Variants in RAD51B observed in about 807,000 individuals in gnomAD.
RAD51B encodes the protein RAD51 paralog B.
Under a neutral mutation model 42.2 loss-of-function variants are expected in RAD51B, and 38 were observed. The observed-to-expected ratio is 0.90, with a 90% confidence interval of 0.70 to 1.18. The LOEUF (loss-of-function observed/expected upper bound fraction) is 1.18, where lower values mean the gene tolerates loss of function less well. Among genes scored for constraint, RAD51B ranks in the 50% most tolerant of loss-of-function variants. The pLI is 0.00. For synonymous variants in RAD51B, 154 were observed against 145.2 expected, an observed-to-expected ratio of 1.06 and a Z score of -0.43; for missense variants, 373 against 400.7, an observed-to-expected ratio of 0.93 and a Z score of 0.59.
intron 9 of RAD51B, among the ~76,000 whole-genome samples, chr14:68,466,546 T>C (rs990068548): frequency 2.0e-5 from 3 of 152,206 alleles, no homozygotes; most frequent in Non-Finnish European, 4.4e-5. Flanking sequence ...ACTGATGCTC[T>C]CTGAAGCCAC....
chr14:68,035,375 GT>G (rs3837657), intron 7 of RAD51B, among the ~76,000 whole-genome samples: 16,434 of 151,174 alleles, frequency 0.11, 2,407 homozygotes, highest in African/African-American at 0.33. Flanking sequence ...GTGAAGAATT[GT>G]TTTTTTTTAA....
chr14:68,634,688 G>T (rs1381245679), intron 10 of RAD51B, among the ~76,000 whole-genome samples: 1 of 152,132 alleles, frequency 6.6e-6, no homozygotes, highest in Non-Finnish European at 1.5e-5. Context: ...TAATGGGGTG[G>T]GGGTGAGACG....
At chr14:68,005,060 T>G (rs1231912877) in intron 7 of RAD51B, among the ~76,000 whole-genome samples, 51 of 138,096 alleles carry the variant, frequency 3.7e-4, no homozygotes, top group African/African-American at 1.3e-3. Flanking sequence ...TTTTTTTTTT[T>G]TTTTTTTTTT....
At chr14:68,281,670 G>C (rs1437688853) in intron 7 of RAD51B, among the ~76,000 whole-genome samples, 1 of 152,198 alleles carries the variant, frequency 6.6e-6, no homozygotes, top group Admixed American at 6.5e-5. Flanking sequence ...CCATATACGT[G>C]TAAAATGACA....
At chr14:68,531,719 C>T (rs1271095822) in intron 10 of RAD51B, among the ~76,000 whole-genome samples, 3 of 152,070 alleles carry the variant, frequency 2.0e-5, no homozygotes, top group Non-Finnish European at 4.4e-5. Flanking sequence ...CAACAATAGG[C>T]CAGGCATGGT....
At chr14:68,095,869 G>A (rs984468778) in intron 7 of RAD51B, among the ~76,000 whole-genome samples, 8 of 151,460 alleles carry the variant, frequency 5.3e-5, no homozygotes, top group Non-Finnish European at 7.4e-5. Flanking sequence ...CCAGCTACTC[G>A]GGAGGCTGAG....
At chr14:68,019,785 G>A (rs527487170) in intron 7 of RAD51B, among the ~76,000 whole-genome samples, 1 of 152,108 alleles carries the variant, frequency 6.6e-6, no homozygotes, top group Non-Finnish European at 1.5e-5. Context: ...TTTCTTGTTC[G>A]TTCTTACCGT....
At chr14:68,393,769 A>G (rs1403863330) in intron 8 of RAD51B, among the ~76,000 whole-genome samples, 1 of 152,182 alleles carries the variant, frequency 6.6e-6, no homozygotes, top group African/African-American at 2.4e-5. Context: ...CACTAAATAT[A>G]TTTAGGGCCC....
chr14:68,450,965 G>T (rs921804448), intron 9 of RAD51B, among the ~76,000 whole-genome samples: 23 of 152,240 alleles, frequency 1.5e-4, no homozygotes, highest in African/African-American at 5.5e-4. Context: ...CCCCACAGAG[G>T]GCCCTGTCCA....
At chr14:67,848,899 T>C (rs138586671) in intron 4 of RAD51B, among the ~76,000 whole-genome samples, 1 of 152,364 alleles carries the variant, frequency 6.6e-6, no homozygotes, top group African/African-American at 2.4e-5. Flanking sequence ...TTTTCTACAC[T>C]GAAAATAGGT....
At chr14:68,610,953 C>T in intron 10 of RAD51B, 1 of 678,710 alleles carries the variant, frequency 1.5e-6, no homozygotes, top group South Asian at 1.5e-5. Flanking sequence ...TCCTACACAT[C>T]TTTAATAAAA....
chr14:68,555,882 C>T (rs1433715861), intron 10 of RAD51B, among the ~76,000 whole-genome samples: 1 of 152,212 alleles, frequency 6.6e-6, no homozygotes, highest in African/African-American at 2.4e-5. Context: ...TCACTCACTT[C>T]CTTGAGAGCC....
At chr14:68,586,697 C>T (rs1890498143) in intron 10 of RAD51B, among the ~76,000 whole-genome samples, 1 of 152,152 alleles carries the variant, frequency 6.6e-6, no homozygotes, top group Admixed American at 6.5e-5. Flanking sequence ...ATCCAGTCAC[C>T]CCCTTTAAAA....
At chr14:67,864,025 C>T (rs2042244389) in intron 4 of RAD51B, among the ~76,000 whole-genome samples, 1 of 150,492 alleles carries the variant, frequency 6.6e-6, no homozygotes, top group Non-Finnish European at 1.5e-5. Context: ...AGAGAGACAT[C>T]TTACTATGGC....
intron 11 of RAD51B, among the ~76,000 whole-genome samples, chr14:68,657,446 G>T (rs1263774230): frequency 2.0e-5 from 3 of 152,224 alleles, no homozygotes; most frequent in Non-Finnish European, 1.5e-5. Context: ...TTCCCAAAGT[G>T]CTGGGATTAC....
chr14:68,158,451 C>T (rs2078565096), intron 7 of RAD51B, among the ~76,000 whole-genome samples: 1 of 152,180 alleles, frequency 6.6e-6, no homozygotes, highest in Admixed American at 6.5e-5. Context: ...TAATTTCCTT[C>T]CTTTACTTTT....
intron 7 of RAD51B, among the ~76,000 whole-genome samples, chr14:67,904,142 A>T (rs547373000): frequency 6.6e-6 from 1 of 151,972 alleles, no homozygotes; most frequent in East Asian, 1.9e-4. Context: ...CATTTTCTTT[A>T]TCTCGTTCAC....
chr14:68,007,461 C>T (rs1328846724), intron 7 of RAD51B, among the ~76,000 whole-genome samples: 2 of 151,914 alleles, frequency 1.3e-5, no homozygotes, highest in Non-Finnish European at 2.9e-5. Context: ...AGTAGCTGCA[C>T]CATTAGCACT....
At chr14:68,613,914 G>A (rs943446886), downstream of RAD51B, among the ~76,000 whole-genome samples, 1 of 152,216 alleles carries the variant, frequency 6.6e-6, no homozygotes, top group South Asian at 2.1e-4. Flanking sequence ...AGGGCCTGCT[G>A]TTGTGTGGCC....
Sources: gnomAD v4.1 joint callset for allele counts (sites outside exome capture counted in the v4.1 genomes callset) on GRCh38, gnomAD v4.1.1 for gene constraint, MANE v1.5 for transcripts, NCBI Gene and HGNC (gene_info 2026-07-23, HGNC 2026-07-21) for gene names.